CCBE1: variants seen among roughly 807,000 people sequenced by gnomAD.
CCBE1 encodes collagen and calcium-binding EGF domain-containing protein 1.
Under a neutral mutation model 50.0 loss-of-function variants are expected in CCBE1, and 37 were observed. That is an observed-to-expected ratio of 0.74 (90% CI 0.57 to 0.97). CCBE1 has a LOEUF of 0.97. Among genes scored for constraint, CCBE1 ranks in the 50% least tolerant of loss-of-function variants. CCBE1 has a pLI of 0.00. For synonymous variants in CCBE1, 234 were observed against 203.7 expected, an observed-to-expected ratio of 1.15 and a Z score of -1.27; for missense variants, 538 against 523.8, an observed-to-expected ratio of 1.03 and a Z score of -0.26.
chr18:59,525,016 G>C (rs1298919597), intron 2 of CCBE1, among the ~76,000 whole-genome samples: 1 of 152,148 alleles, frequency 6.6e-6, no homozygotes, highest in African/African-American at 2.4e-5. Flanking sequence ...TTGCTATTGT[G>C]AATGGTGCTG....
rs189506915 is a variant in CCBE1, at chr18:59,693,576, T to C, written c.212+3053A>G. The stretch of plus-strand genomic sequence containing the variant: ...GCTTGTCTCTCTTCCCCATCACTAA[T>C]ACAGCATATGAACTACATGACTTTG... On this transcript the variant is annotated intron_variant, in intron 2 of 10. Coordinates refer to ENST00000439986, the MANE Select transcript of CCBE1 (RefSeq NM_133459.4). Among the ~76,000 whole-genome samples, 541 of 152,310 alleles carry C rather than the reference T, an allele frequency of 3.6e-3. 2 individuals are homozygous for C. Among genetic ancestry groups the C allele is most frequent in the African/African-American group, 0.013 (525 of 41,562 alleles).
intron 2 of CCBE1, among the ~76,000 whole-genome samples, chr18:59,595,335 T>C (rs1464479542): frequency 1.3e-5 from 2 of 152,140 alleles, no homozygotes; most frequent in African/African-American, 2.4e-5. Flanking sequence ...GATCAGATTT[T>C]GATCCCACCT....
chr18:59,519,796 T>C (rs1914521946), intron 2 of CCBE1, among the ~76,000 whole-genome samples: 1 of 152,248 alleles, frequency 6.6e-6, no homozygotes, highest in Non-Finnish European at 1.5e-5. Flanking sequence ...AGGATTTTTA[T>C]GGTTTTAGGT....
intron 2 of CCBE1, among the ~76,000 whole-genome samples, chr18:59,579,317 C>T (rs183614312): frequency 1.3e-5 from 2 of 151,968 alleles, no homozygotes; most frequent in Admixed American, 1.3e-4. Flanking sequence ...GCAGACAGGA[C>T]GTGGATCATG....
At chr18:59,592,981 A>T (rs1460146870) in intron 2 of CCBE1, among the ~76,000 whole-genome samples, 1 of 152,186 alleles carries the variant, frequency 6.6e-6, no homozygotes, top group Non-Finnish European at 1.5e-5. Flanking sequence ...AAAATGGGCA[A>T]ATTTTAGAGA....
chr18:59,668,526 C>A (rs1020158807), intron 2 of CCBE1, among the ~76,000 whole-genome samples: 4 of 151,956 alleles, frequency 2.6e-5, no homozygotes, highest in Non-Finnish European at 4.4e-5. Context: ...ATATCATAAG[C>A]ATATTTTCAT....
chr18:59,541,838 T>C (rs1435230696), intron 2 of CCBE1, among the ~76,000 whole-genome samples: 1 of 151,062 alleles, frequency 6.6e-6, no homozygotes, highest in Non-Finnish European at 1.5e-5. Context: ...AAGGTTAGAA[T>C]TAAAGAGTCC....
intron 3 of CCBE1, among the ~76,000 whole-genome samples, chr18:59,477,009 G>A (rs561305771): frequency 1.1e-4 from 16 of 152,300 alleles, no homozygotes; most frequent in African/African-American, 3.9e-4. Context: ...GGCCTAGAGG[G>A]CCTAGTTTCA....
intron 5 of CCBE1, among the ~76,000 whole-genome samples, chr18:59,463,458 G>A (rs879199737): frequency 6.6e-6 from 1 of 152,160 alleles, no homozygotes; most frequent in Admixed American, 6.5e-5. Flanking sequence ...CCATACACAG[G>A]GCTTGCTGCC....
chr18:59,486,125 C>T (rs1034980318), intron 2 of CCBE1, among the ~76,000 whole-genome samples: 1 of 152,124 alleles, frequency 6.6e-6, no homozygotes, highest in African/African-American at 2.4e-5. Flanking sequence ...GAGCTTCAGA[C>T]TCCTCATGGA....
chr18:59,455,212 C>A (rs1911133630), intron 5 of CCBE1: 1 of 560,856 alleles, frequency 1.8e-6, no homozygotes, highest in Non-Finnish European at 3.3e-6. Context: ...AGACCCTGAT[C>A]TTCCTTTCAT....
At chr18:59,520,216 C>T (rs541004405) in intron 2 of CCBE1, among the ~76,000 whole-genome samples, 1 of 152,212 alleles carries the variant, frequency 6.6e-6, no homozygotes, top group South Asian at 2.1e-4. Flanking sequence ...TGAAGAAAGT[C>T]AATGGTAGCT....
At chr18:59,466,383 C>T (rs1324555277) in intron 5 of CCBE1, among the ~76,000 whole-genome samples, 2 of 152,022 alleles carry the variant, frequency 1.3e-5, no homozygotes, top group East Asian at 3.9e-4. Flanking sequence ...GCCTTTGCTC[C>T]TCCTTTGCCT....
intron 2 of CCBE1, among the ~76,000 whole-genome samples, chr18:59,501,159 G>A (rs960341631): frequency 5.9e-5 from 9 of 152,240 alleles, no homozygotes; most frequent in African/African-American, 2.2e-4. Context: ...AGACATGGAT[G>A]TGGTGATGCC....
chr18:59,499,963 G>C (rs1913539502), intron 2 of CCBE1, among the ~76,000 whole-genome samples: 1 of 152,154 alleles, frequency 6.6e-6, no homozygotes, highest in Admixed American at 6.5e-5. Flanking sequence ...AGGGGGCTTT[G>C]GACAACTGTG....
chr18:59,437,979 G>A, intron 10 of CCBE1, 132 bp downstream of exon 10: 1 of 739,882 alleles, frequency 1.4e-6, no homozygotes, highest in Admixed American at 2.4e-5. Context: ...CCTAACCACA[G>A]AGTTCTGTTC....
At chr18:59,547,772 G>T (rs369869484) in intron 2 of CCBE1, among the ~76,000 whole-genome samples, 2 of 152,192 alleles carry the variant, frequency 1.3e-5, no homozygotes, top group Non-Finnish European at 2.9e-5. Context: ...TGTGGGCTAC[G>T]TCTGGGCGGC....
At chr18:59,479,915 T>C (rs1016742906) in intron 3 of CCBE1, among the ~76,000 whole-genome samples, 2 of 152,222 alleles carry the variant, frequency 1.3e-5, no homozygotes, top group African/African-American at 2.4e-5. Flanking sequence ...AATGGGCTAA[T>C]TGGGGGATTA....
At chr18:59,493,636 G>A (rs1568169591) in intron 2 of CCBE1, among the ~76,000 whole-genome samples, 1 of 152,056 alleles carries the variant, frequency 6.6e-6, no homozygotes, top group Non-Finnish European at 1.5e-5. Context: ...CCAGGCTGCT[G>A]GGCTCCAGAG....
Sources: gnomAD v4.1 joint callset for allele counts (sites outside exome capture counted in the v4.1 genomes callset) on GRCh38, gnomAD v4.1.1 for gene constraint, MANE v1.5 for transcripts, NCBI Gene and HGNC (gene_info 2026-07-23, HGNC 2026-07-21) for gene names.